Variants in NCOA3 observed in about 807,000 individuals in gnomAD.
NCOA3 encodes CBP-interacting protein.
A neutral mutation model predicts 158.8 loss-of-function variants in NCOA3; 51 were observed. That is an observed-to-expected ratio of 0.32 (90% CI 0.26 to 0.41). NCOA3 has a LOEUF of 0.41. Ranked by LOEUF, NCOA3 falls within the 10% of genes least tolerant of loss-of-function variation. The pLI is 1.00. For missense variants in NCOA3, 1,510 were observed against 1,746.6 expected (o/e 0.86, Z 2.41); for synonymous variants, 537 against 592.4 (o/e 0.91, Z 1.36).
chr20:47,644,950 C>A (rs57553294), intron 17 of NCOA3, among the ~76,000 whole-genome samples: 15,418 of 151,290 alleles, frequency 0.1, 966 homozygotes, highest in Middle Eastern at 0.18. Flanking sequence ...CCTGCCTCGG[C>A]CTCCCAAAGT....
chr20:47,591,945 A>G (rs577778627), intron 2 of NCOA3, among the ~76,000 whole-genome samples: 4 of 152,336 alleles, frequency 2.6e-5, no homozygotes, highest in East Asian at 3.9e-4. Context: ...TTCATCAAAT[A>G]TGGAAAGTTT....
rs543261251 is a variant in NCOA3 at position 47,623,413 on chromosome 20, A to G, written c.84-498A>G. On this transcript the variant is annotated intron_variant, in intron 3 of 22. Coordinates refer to ENST00000371998, the MANE Select transcript of NCOA3 (RefSeq NM_181659.3). ...AAGATGGAACTGAATTTAGGTTTAC[A>G]TGAATCTCTATTATGTTGTACTACT... 3.3e-5 allele frequency among the ~76,000 whole-genome samples: 5 copies of G among 152,366 alleles called. No individual in the cohort carries two copies. The South Asian group carries it at 8.3e-4, about 25-fold the overall frequency.
At chr20:47,595,443 G>T (rs1235354700) in intron 2 of NCOA3, among the ~76,000 whole-genome samples, 3 of 152,176 alleles carry the variant, frequency 2.0e-5, no homozygotes, top group African/African-American at 4.8e-5. Context: ...GATAGGTCAA[G>T]AATCTACAGT....
At chr20:47,540,049 G>C (rs2084697857) in intron 1 of NCOA3, among the ~76,000 whole-genome samples, 2 of 152,088 alleles carry the variant, frequency 1.3e-5, no homozygotes, top group African/African-American at 4.8e-5. Context: ...GAAGCTCATG[G>C]GTTAATTACA....
intron 1 of NCOA3, among the ~76,000 whole-genome samples, chr20:47,533,967 A>G (rs1430229448): frequency 6.6e-6 from 1 of 152,134 alleles, no homozygotes; most frequent in Admixed American, 6.6e-5. Context: ...CAAAAAACCC[A>G]GGATGACCTA....
At chr20:47,588,225 T>C (rs1171454046) in intron 2 of NCOA3, among the ~76,000 whole-genome samples, 1 of 146,594 alleles carries the variant, frequency 6.8e-6, no homozygotes, top group Admixed American at 7.1e-5. Context: ...ACCTCTGCCT[T>C]CTGGGTTCAT....
chr20:47,611,468 C>T (rs977563877), intron 2 of NCOA3, among the ~76,000 whole-genome samples: 14 of 152,150 alleles, frequency 9.2e-5, no homozygotes, highest in African/African-American at 3.4e-4. Context: ...CTACAAACCC[C>T]AGAGGTAAAA....
At position 47,549,398 on chromosome 20, in the gene NCOA3, TA is replaced by T. The variant is rs199592142; in HGVS notation, c.-98-33776del. Reference sequence around the variant, plus strand: ...AAAAATTAGCTGGGCATGATGTGGTTAAAAAAAAATTTATCTGGGCACAGGA... The same window carrying T: ...AAAAATTAGCTGGGCATGATGTGGTTAAAAAAAATTTATCTGGGCACAGGA... On this transcript the variant is annotated intron_variant, in intron 1 of 22. Transcript: ENST00000371998. 4.7e-5 allele frequency among the ~76,000 whole-genome samples: 7 copies of T among 150,256 alleles called. No homozygotes were observed. In the East Asian group the frequency reaches 7.9e-4, roughly 17 times the overall value.
chr20:47,651,143 G>GCAA lies in NCOA3; in HGVS notation c.3815_3816insACA (p.Gln1276dup), dbSNP rs1255268332. On this transcript the variant is annotated inframe_insertion, in exon 20 of 23. Transcript: ENST00000371998. ...AGCAACAGCAACAGCAACAGCAACA[G>GCAA]CAGCAACAGCAGCAAACCCAGGCCT... 9.3e-6 allele frequency: 15 copies of GCAA among 1,612,782 alleles called. No individual in the cohort carries two copies. In the East Asian group the frequency reaches 1.1e-4, roughly 12 times the overall value.
chr20:47,559,418 C>G (rs2085064071), intron 1 of NCOA3, among the ~76,000 whole-genome samples: 2 of 152,118 alleles, frequency 1.3e-5, no homozygotes, highest in South Asian at 4.1e-4. Context: ...TGGCTAGCAG[C>G]TTCTTAGATG....
intron 1 of NCOA3, among the ~76,000 whole-genome samples, chr20:47,573,881 A>G (rs1336306915): frequency 6.6e-6 from 1 of 152,174 alleles, no homozygotes; most frequent in East Asian, 1.9e-4. Context: ...TTTTCCTAAA[A>G]TGATTTAAGA....
Position 47,627,800 on chromosome 20 carries a change from CT to C in NCOA3, c.721+53del, listed in dbSNP as rs1409297344. 4 of 1,592,050 alleles carry C rather than the reference CT, an allele frequency of 2.5e-6. No individual in the cohort carries two copies. The African/African-American group carries it at 5.4e-5, about 21-fold the overall frequency. ...GTTCATGAAACAAATAGTGGCCATACTTGGAGTTTTGAAACTTGTGTTGTAA... is the reference window on the plus strand; with the variant it reads ...GTTCATGAAACAAATAGTGGCCATACTGGAGTTTTGAAACTTGTGTTGTAA... On this transcript the variant is annotated intron_variant, in intron 7 of 22. Coordinates refer to ENST00000371998, the MANE Select transcript of NCOA3 (RefSeq NM_181659.3).
intron 1 of NCOA3, among the ~76,000 whole-genome samples, chr20:47,556,526 C>A (rs1002005087): frequency 1.3e-5 from 2 of 152,064 alleles, no homozygotes; most frequent in Non-Finnish European, 1.5e-5. Context: ...GTTTTCTTTT[C>A]CCCTTTTTTT....
intron 1 of NCOA3, among the ~76,000 whole-genome samples, chr20:47,557,573 G>A (rs370378559): frequency 1.4e-4 from 21 of 152,224 alleles, no homozygotes; most frequent in Admixed American, 5.2e-4. Context: ...CTGTAAATAG[G>A]TGCATATATA....
chr20:47,523,506 G>A (rs1254551341), intron 1 of NCOA3, among the ~76,000 whole-genome samples: 2 of 152,158 alleles, frequency 1.3e-5, no homozygotes, highest in Non-Finnish European at 2.9e-5. Context: ...AGTACAAGAC[G>A]TATAAGCAAG....
chr20:47,647,283 C>A lies in NCOA3; in HGVS notation c.3463C>A (p.Pro1155Thr). Residue 1155 changes from proline to threonine, a missense_variant, in exon 18 of 23, where the codon CCA becomes ACA. Physicochemically the swap from Pro to Thr is conservative, Grantham distance 38. Coordinates refer to ENST00000371998, the MANE Select transcript of NCOA3 (RefSeq NM_181659.3). ...CAATTTTCCTCTCCAAGGAATGCAC[C>A]CACGAGCCAACATCATGAGACCCCG... is the stretch of plus-strand genomic sequence containing the variant. ...QGNFPLQGMH[P>T]RANIMRPRTN... The A allele has an allele frequency of 6.2e-7, 1 of 1,614,114 alleles. No homozygotes were observed.
intron 1 of NCOA3, among the ~76,000 whole-genome samples, chr20:47,572,682 G>A (rs1012215115): frequency 6.6e-6 from 1 of 152,000 alleles, no homozygotes; most frequent in Non-Finnish European, 1.5e-5. Flanking sequence ...GATTGTAGGT[G>A]TGCGCCACCA....
At chr20:47,621,173 C>G (rs2086233960) in intron 2 of NCOA3, among the ~76,000 whole-genome samples, 2 of 152,158 alleles carry the variant, frequency 1.3e-5, no homozygotes, top group Non-Finnish European at 2.9e-5. Context: ...TTTAGTGCAT[C>G]TGTAAAGACA....
chr20:47,540,640 GTA>G (rs1338132814), intron 1 of NCOA3, among the ~76,000 whole-genome samples: 1 of 151,996 alleles, frequency 6.6e-6, no homozygotes, highest in Non-Finnish European at 1.5e-5. Context: ...GGGTCTGTGT[GTA>G]TACAAAACAA....
Sources: allele counts gnomAD v4.1 joint callset (sites outside exome capture counted in the v4.1 genomes callset), GRCh38; gene constraint gnomAD v4.1.1; transcripts MANE v1.5; gene names NCBI Gene and HGNC (gene_info 2026-07-23, HGNC 2026-07-21).